CCDC170: variants seen among roughly 807,000 people sequenced by gnomAD.
The protein encoded by CCDC170 is coiled-coil domain-containing protein 170.
In CCDC170, 69 loss-of-function variants were observed where a neutral mutation model predicts 72.6. That is an observed-to-expected ratio of 0.95 (90% CI 0.78 to 1.16). The LOEUF is 1.16. Among genes scored for constraint, CCDC170 ranks in the 50% most tolerant of loss-of-function variants. CCDC170 has a pLI of 0.00. For synonymous variants in CCDC170, 300 were observed against 303.9 expected (o/e 0.99, Z 0.13); for missense variants, 852 against 832.5 (o/e 1.02, Z -0.29).
intron 9 of CCDC170, among the ~76,000 whole-genome samples, chr6:151,609,401 A>G (rs1776836015): frequency 6.6e-6 from 1 of 152,084 alleles, no homozygotes; most frequent in Non-Finnish European, 1.5e-5. Context: ...GAGAATTTAG[A>G]TCCTCTCAGG....
chr6:151,557,936 T>C (rs928217760), intron 5 of CCDC170, among the ~76,000 whole-genome samples: 1 of 152,230 alleles, frequency 6.6e-6, no homozygotes, highest in Non-Finnish European at 1.5e-5. Flanking sequence ...CCATCTCTGC[T>C]GAAAACACAA....
At chr6:151,540,723 G>T (rs114824497) in intron 3 of CCDC170, among the ~76,000 whole-genome samples, 2,102 of 151,904 alleles carry the variant, frequency 0.014, 54 homozygotes, top group African/African-American at 0.048. Context: ...TCTCATTCAC[G>T]AGGTCTCCTC....
chr6:151,527,705 G>C (rs1326975997), intron 1 of CCDC170, among the ~76,000 whole-genome samples: 2 of 152,060 alleles, frequency 1.3e-5, no homozygotes, highest in East Asian at 3.9e-4. Context: ...TAGAAAGAGA[G>C]AGAGGGAGAG....
chr6:151,506,270 A>G (rs1678226466), intron 1 of CCDC170, among the ~76,000 whole-genome samples: 1 of 152,218 alleles, frequency 6.6e-6, no homozygotes, highest in South Asian at 2.1e-4. Context: ...TGACAATTAG[A>G]ATTTTAGAGA....
At chr6:151,536,608 CT>C (rs1782586872) in intron 2 of CCDC170, among the ~76,000 whole-genome samples, 162 bp downstream of exon 2, 1 of 151,780 alleles carries the variant, frequency 6.6e-6, no homozygotes, top group Non-Finnish European at 1.5e-5. Flanking sequence ...AACTCTGTCT[CT>C]ACTAAAAATA....
At chr6:151,494,605 C>G (rs1268361617) in intron 1 of CCDC170, among the ~76,000 whole-genome samples, 2 of 152,166 alleles carry the variant, frequency 1.3e-5, no homozygotes, top group Non-Finnish European at 2.9e-5. Flanking sequence ...GAGTCACCGG[C>G]CCTTTCGTTG....
intron 9 of CCDC170, among the ~76,000 whole-genome samples, chr6:151,601,646 A>T (rs989727010): frequency 2.6e-5 from 4 of 152,158 alleles, no homozygotes; most frequent in Admixed American, 2.6e-4. Context: ...GAATTGGCTC[A>T]TGCAATTATG....
At position 151,586,417 on chromosome 6, in the gene CCDC170, C is replaced by A. The variant is rs1410913150; in HGVS notation, c.1293+328C>A. The stretch of plus-strand genomic sequence containing the variant: ...GATAATTTGCTGTACTATAAGTTTA[C>A]ACATGTTATATGTATTGAATTAATA... On this transcript the variant is annotated intron_variant, in intron 7 of 10. Coordinates refer to ENST00000239374, the MANE Select transcript of CCDC170 (RefSeq NM_025059.4). 2.0e-5 allele frequency among the ~76,000 whole-genome samples: 3 copies of A among 152,072 alleles called. No individual in the cohort carries two copies. The South Asian group carries it at 6.2e-4, about 32-fold the overall frequency.
intron 5 of CCDC170, among the ~76,000 whole-genome samples, chr6:151,572,941 C>G (rs1169557681): frequency 6.6e-6 from 1 of 151,982 alleles, no homozygotes; most frequent in Non-Finnish European, 1.5e-5. Context: ...TGTGAGCCAC[C>G]ACGCCTGGCC....
rs145075004 is a variant in CCDC170, at chr6:151,510,466, G to A, written c.57+16281G>A. ...AATTTAAATGTCATATATCAGTGAG[G>A]TTACAGAATAAAGATACTGAAGTCA... is the stretch of plus-strand genomic sequence containing the variant. On this transcript the variant is annotated intron_variant, in intron 1 of 10. Transcript: ENST00000239374. 4.7e-4 allele frequency among the ~76,000 whole-genome samples: 71 copies of A among 152,196 alleles called. 1 individual carries two copies. The highest frequency in any genetic ancestry group is 3.4e-3 in the Admixed American group (52 of 15,292).
At chr6:151,514,325 A>AAAGG (rs1206386280) in intron 1 of CCDC170, among the ~76,000 whole-genome samples, 3 of 119,070 alleles carry the variant, frequency 2.5e-5, no homozygotes, top group Admixed American at 1.8e-4. Context: ...AAAATGAAAG[A>AAAGG]AAGGAAGGAA....
At chr6:151,543,140 G>A (rs1782716869) in intron 3 of CCDC170, among the ~76,000 whole-genome samples, 1 of 152,072 alleles carries the variant, frequency 6.6e-6, no homozygotes, top group African/African-American at 2.4e-5. Flanking sequence ...TGCCTTTAAA[G>A]TATGCCTATT....
intron 6 of CCDC170, among the ~76,000 whole-genome samples, chr6:151,575,903 G>C (rs940235433): frequency 3.9e-5 from 6 of 152,124 alleles, no homozygotes; most frequent in African/African-American, 1.4e-4. Flanking sequence ...CTAATGTGTA[G>C]AGGTCTCTGC....
chr6:151,510,545 A>C (rs1000939331), intron 1 of CCDC170, among the ~76,000 whole-genome samples: 1 of 152,128 alleles, frequency 6.6e-6, no homozygotes, highest in Non-Finnish European at 1.5e-5. Flanking sequence ...TGCAAAAAAA[A>C]CCCTTGAGAT....
At chr6:151,565,194 A>T (rs1038656357) in intron 5 of CCDC170, among the ~76,000 whole-genome samples, 5 of 152,124 alleles carry the variant, frequency 3.3e-5, no homozygotes, top group African/African-American at 1.2e-4. Context: ...GGATGTGGAG[A>T]TGCAGGGGCT....
chr6:151,577,718 C>T (rs1370086986), intron 6 of CCDC170, among the ~76,000 whole-genome samples: 4 of 152,212 alleles, frequency 2.6e-5, no homozygotes, highest in Admixed American at 1.3e-4. Context: ...ATGGGCTGCA[C>T]AGGAGGAGGT....
chr6:151,494,072 C>A lies in CCDC170; in HGVS notation c.-57C>A. On this transcript the variant is annotated 5_prime_UTR_variant, in exon 1 of 11. Transcript: ENST00000239374. ...CCGCGCCACCCGCCGGCTCCCGGCG[C>A]CGCCGCTTCCTCAGGGCCGGTTCCG... is the stretch of plus-strand genomic sequence containing the variant. The A allele has an allele frequency of 7.0e-7, 1 of 1,435,988 alleles. No homozygotes were observed. Among genetic ancestry groups the A allele is most frequent in the East Asian group, 3.0e-5 (1 of 33,062 alleles). The allele number at this position is 1,435,988 out of a possible 1,614,324, so 89.0% of individuals were successfully genotyped here.
chr6:151,598,224 GAC>G (rs1346098078), intron 9 of CCDC170, among the ~76,000 whole-genome samples: 1 of 152,184 alleles, frequency 6.6e-6, no homozygotes, highest in Non-Finnish European at 1.5e-5. Context: ...TGCAACTTGA[GAC>G]TGACCTTTAG....
At chr6:151,585,687 A>G (rs1776441374) in intron 6 of CCDC170, among the ~76,000 whole-genome samples, 1 of 152,252 alleles carries the variant, frequency 6.6e-6, no homozygotes, top group African/African-American at 2.4e-5. Flanking sequence ...ATACCAATCG[A>G]AAAATTTAAT....
Sources: allele counts gnomAD v4.1 joint callset (sites outside exome capture counted in the v4.1 genomes callset), GRCh38; gene constraint gnomAD v4.1.1; transcripts MANE v1.5; gene names NCBI Gene and HGNC (gene_info 2026-07-23, HGNC 2026-07-21).